FER: variants seen among roughly 807,000 people sequenced by gnomAD.
FER encodes tyrosine-protein kinase Fer.
A neutral mutation model predicts 111.0 loss-of-function variants in FER; 63 were observed. The ratio of observed to expected loss-of-function variants is 0.57; its 90% CI spans 0.46 to 0.70. The LOEUF (loss-of-function observed/expected upper bound fraction) is 0.70. Ranked by LOEUF, FER falls within the 30% of genes least tolerant of loss-of-function variation. The probability of loss-of-function intolerance (pLI) is 0.00; values close to 1 mark genes in which losing one functional copy is unlikely to be tolerated. For synonymous variants in FER, 327 were observed against 313.9 expected (o/e 1.04, Z -0.44); for missense variants, 914 against 954.0 (o/e 0.96, Z 0.55).
intron 10 of FER, among the ~76,000 whole-genome samples, chr5:108,906,094 C>T (rs997412031): frequency 6.6e-6 from 1 of 152,136 alleles, no homozygotes; most frequent in African/African-American, 2.4e-5. Context: ...TTTCTGTCCC[C>T]ATTTCCCAGT....
At chr5:109,078,947 GAA>G (rs1776676076) in intron 16 of FER, among the ~76,000 whole-genome samples, 2 of 152,218 alleles carry the variant, frequency 1.3e-5, no homozygotes, top group Admixed American at 1.3e-4. Context: ...TGGATGGAAA[GAA>G]GAGAACGTAT....
At chr5:109,021,753 C>G (rs1323083010) in intron 13 of FER, among the ~76,000 whole-genome samples, 3 of 151,998 alleles carry the variant, frequency 2.0e-5, no homozygotes, top group African/African-American at 7.2e-5. Flanking sequence ...AACAAGCTTT[C>G]TTAGATTTGA....
chr5:109,076,701 G>T (rs981782390), intron 16 of FER, among the ~76,000 whole-genome samples: 1 of 152,184 alleles, frequency 6.6e-6, no homozygotes, highest in Non-Finnish European at 1.5e-5. Context: ...ACCTCCCAAA[G>T]TGTTGGGATT....
chr5:109,124,701 A>G (rs1013892285), intron 17 of FER, among the ~76,000 whole-genome samples: 31 of 152,236 alleles, frequency 2.0e-4, no homozygotes, highest in African/African-American at 7.2e-4. Context: ...TTAGGAAGAA[A>G]AACATTTAAA....
intron 9 of FER, among the ~76,000 whole-genome samples, chr5:108,895,349 G>A (rs1748917710): frequency 6.6e-6 from 1 of 152,160 alleles, no homozygotes; most frequent in Non-Finnish European, 1.5e-5. Flanking sequence ...GAGTACAGTA[G>A]CTTAAAACAA....
intron 5 of FER, among the ~76,000 whole-genome samples, chr5:108,856,582 G>C (rs1379728507): frequency 6.6e-6 from 1 of 152,056 alleles, no homozygotes; most frequent in Non-Finnish European, 1.5e-5. Context: ...TGACTATTTG[G>C]TCAGCTTTCA....
chr5:108,802,398 G>T (rs1756759499), intron 3 of FER, among the ~76,000 whole-genome samples: 1 of 152,136 alleles, frequency 6.6e-6, no homozygotes, highest in Admixed American at 6.5e-5. Context: ...TACACATGCA[G>T]GTTTGTTACC....
Position 108,959,308 on chromosome 5 carries a change from T to G in FER, c.1617T>G (p.Thr539=). Residue 539 remains threonine, a synonymous_variant, in exon 13 of 20, where the codon ACT becomes ACG. Transcript: ENST00000281092. ...ACTATACAACAAAACAGGTCATCAC[T>G]AAGAAATCAGGTGTAGTTCTGCTGA... The part of the protein sequence containing the change: ...DHHYTTKQVI[T]KKSGVVLLNP... The G allele has an allele frequency of 6.2e-7, 1 of 1,612,024 alleles. No individual in the cohort carries two copies. The highest frequency in any genetic ancestry group is 8.5e-7 in the Non-Finnish European group (1 of 1,178,706).
chr5:109,055,766 C>T (rs1020930452), intron 16 of FER, among the ~76,000 whole-genome samples: 1 of 139,960 alleles, frequency 7.1e-6, no homozygotes, highest in Non-Finnish European at 1.5e-5. Context: ...AACAGATGTG[C>T]CACAACAGAG....
chr5:109,074,796 T>G (rs1776138225), intron 16 of FER, among the ~76,000 whole-genome samples: 1 of 152,234 alleles, frequency 6.6e-6, no homozygotes, highest in South Asian at 2.1e-4. Flanking sequence ...CATGAATCAT[T>G]TTTCAGATAC....
At chr5:109,020,393 C>A (rs1341829505) in intron 13 of FER, among the ~76,000 whole-genome samples, 1 of 151,922 alleles carries the variant, frequency 6.6e-6, no homozygotes, top group East Asian at 1.9e-4. Context: ...ACCAAAATTT[C>A]TCTTTTTTAA....
intron 10 of FER, among the ~76,000 whole-genome samples, chr5:108,918,097 C>T (rs1283220937): frequency 6.6e-6 from 1 of 152,082 alleles, no homozygotes; most frequent in African/African-American, 2.4e-5. Context: ...ATAGTTACTA[C>T]CCTAGAGCTA....
intron 1 of FER, among the ~76,000 whole-genome samples, chr5:108,751,479 A>C (rs1183399780): frequency 9.2e-5 from 14 of 152,170 alleles, no homozygotes; most frequent in Non-Finnish European, 8.8e-5. Flanking sequence ...CTTGTTATAC[A>C]AAAAAACGTT....
chr5:108,759,320 G>A (rs979044849), intron 1 of FER, among the ~76,000 whole-genome samples: 6 of 152,142 alleles, frequency 3.9e-5, no homozygotes, highest in Non-Finnish European at 2.9e-5. Context: ...TCTCATTTCT[G>A]TCTGAGACCT....
intron 17 of FER, among the ~76,000 whole-genome samples, chr5:109,105,845 AT>A (rs1161547077): frequency 1.3e-5 from 2 of 152,242 alleles, no homozygotes; most frequent in Non-Finnish European, 2.9e-5. Flanking sequence ...GCTTCCTGAG[AT>A]CAGTGATTTT....
intron 2 of FER, among the ~76,000 whole-genome samples, chr5:108,787,249 G>A (rs1754840711): frequency 6.6e-6 from 1 of 152,240 alleles, no homozygotes. Context: ...TGCATGCTCA[G>A]AGTGGTGCTG....
At chr5:108,867,739 A>C in intron 5 of FER, 28 bp from the exon 6 acceptor site, 1 of 1,584,182 alleles carries the variant, frequency 6.3e-7, no homozygotes, top group Non-Finnish European at 8.6e-7. Flanking sequence ...TCTCTTTACT[A>C]ACTTTCTTCA....
intron 17 of FER, among the ~76,000 whole-genome samples, chr5:109,111,898 T>A (rs1749668765): frequency 6.6e-6 from 1 of 152,112 alleles, no homozygotes; most frequent in Non-Finnish European, 1.5e-5. Flanking sequence ...AGCGACACCA[T>A]AAGAAATTCT....
At chr5:108,855,626 A>G (rs949987023) in intron 5 of FER, among the ~76,000 whole-genome samples, 1 of 151,650 alleles carries the variant, frequency 6.6e-6, no homozygotes, top group African/African-American at 2.4e-5. Context: ...CAAAAGACCA[A>G]TGTAAAAGGA....
Sources: gnomAD v4.1 joint callset for allele counts (sites outside exome capture counted in the v4.1 genomes callset) on GRCh38, gnomAD v4.1.1 for gene constraint, MANE v1.5 for transcripts, NCBI Gene and HGNC (gene_info 2026-07-23, HGNC 2026-07-21) for gene names.